The following CACNA2D3 variants were observed in gnomAD, a reference collection of about 807,000 sequenced individuals.
CACNA2D3 encodes voltage-dependent calcium channel subunit alpha-2/delta-3.
CACNA2D3 carries 60 observed loss-of-function variants against 160.6 expected under a neutral mutation model. The observed-to-expected ratio is 0.37, with a 90% CI of 0.30 to 0.46. The LOEUF (loss-of-function observed/expected upper bound fraction) is 0.46, where lower values mean the gene tolerates loss of function less well. CACNA2D3 is among the 20% of genes least tolerant of loss of function. The pLI is 1.00. For synonymous variants in CACNA2D3, 558 were observed against 492.9 expected, an observed-to-expected ratio of 1.13 and a Z score of -1.75; for missense variants, 1,205 against 1,365.0, an observed-to-expected ratio of 0.88 and a Z score of 1.85.
intron 4 of CACNA2D3, among the ~76,000 whole-genome samples, chr3:54,441,017 G>T (rs980642706): frequency 7.9e-5 from 12 of 151,994 alleles, no homozygotes; most frequent in African/African-American, 2.7e-4. Flanking sequence ...TGGGATGGCT[G>T]GGTCAAATGG....
At chr3:54,684,313 C>A (rs1700409638) in intron 11 of CACNA2D3, among the ~76,000 whole-genome samples, 1 of 152,124 alleles carries the variant, frequency 6.6e-6, no homozygotes, top group Non-Finnish European at 1.5e-5. Context: ...GACCACCTAA[C>A]CCAATACATC....
chr3:54,193,151 C>G (rs566584726), intron 2 of CACNA2D3, among the ~76,000 whole-genome samples: 1 of 152,274 alleles, frequency 6.6e-6, no homozygotes, highest in Admixed American at 6.5e-5. Flanking sequence ...ATGAAGCTCT[C>G]ATGGTGAAGT....
chr3:54,938,970 G>T (rs1198072398), intron 27 of CACNA2D3, among the ~76,000 whole-genome samples: 2 of 152,200 alleles, frequency 1.3e-5, no homozygotes, highest in African/African-American at 4.8e-5. Flanking sequence ...TCCAGAGGAA[G>T]TTGATCTGAA....
At chr3:54,314,424 T>C (rs1415149457) in intron 2 of CACNA2D3, among the ~76,000 whole-genome samples, 13 of 152,214 alleles carry the variant, frequency 8.5e-5, no homozygotes, top group Non-Finnish European at 1.5e-4. Context: ...AGATACCCAG[T>C]AGTGGGATTG....
intron 2 of CACNA2D3, among the ~76,000 whole-genome samples, chr3:54,204,796 G>GAAAA (rs57129457): frequency 2.8e-4 from 21 of 74,056 alleles, no homozygotes; most frequent in East Asian, 1.0e-3. Flanking sequence ...ATGCTGTCTT[G>GAAAA]AAAAAAAAAA....
chr3:54,397,523 T>C (rs1699378269), intron 4 of CACNA2D3, among the ~76,000 whole-genome samples: 1 of 141,832 alleles, frequency 7.1e-6, no homozygotes, highest in Admixed American at 7.1e-5. Flanking sequence ...GGTGTCTTTG[T>C]TCTCGTTGGT....
intron 2 of CACNA2D3, among the ~76,000 whole-genome samples, chr3:54,191,256 G>C (rs1354097743): frequency 6.6e-6 from 1 of 151,994 alleles, no homozygotes; most frequent in Non-Finnish European, 1.5e-5. Flanking sequence ...CAACAAGCAG[G>C]GACAGTGTTC....
At chr3:54,484,002 TTC>T (rs1224338494) in intron 4 of CACNA2D3, among the ~76,000 whole-genome samples, 1 of 152,188 alleles carries the variant, frequency 6.6e-6, no homozygotes, top group African/African-American at 2.4e-5. Context: ...CAAGCATAGA[TTC>T]TGTCACCTCC....
At chr3:55,041,067 A>G (rs566287742) in intron 35 of CACNA2D3, among the ~76,000 whole-genome samples, 1 of 152,256 alleles carries the variant, frequency 6.6e-6, no homozygotes, top group Middle Eastern at 3.4e-3. Flanking sequence ...ATATTATATT[A>G]TATGCCACTG....
At chr3:54,338,467 C>CTCTGTGTGTG (rs996617901) in intron 3 of CACNA2D3, among the ~76,000 whole-genome samples, 8 of 136,440 alleles carry the variant, frequency 5.9e-5, no homozygotes, top group African/African-American at 2.0e-4. Context: ...TCTCCCCTCC[C>CTCTGTGTGTG]TGTGTGTGTG....
chr3:54,761,389 G>A (rs572884259), intron 12 of CACNA2D3, among the ~76,000 whole-genome samples: 2 of 152,172 alleles, frequency 1.3e-5, no homozygotes, highest in Non-Finnish European at 2.9e-5. Context: ...ACCCCTTAAC[G>A]CAGAGCCCAA....
At chr3:54,531,828 T>C (rs564581191) in intron 5 of CACNA2D3, among the ~76,000 whole-genome samples, 2 of 152,344 alleles carry the variant, frequency 1.3e-5, no homozygotes, top group African/African-American at 4.8e-5. Flanking sequence ...CGGATTTTTG[T>C]CTATTCATTT....
intron 8 of CACNA2D3, among the ~76,000 whole-genome samples, chr3:54,575,578 CTT>C (rs1246232062): frequency 6.6e-6 from 1 of 152,160 alleles, no homozygotes; most frequent in East Asian, 1.9e-4. Context: ...CTCTCAGAGA[CTT>C]AGGTTTTCTG....
At chr3:55,057,075 C>A (rs1386151197) in intron 35 of CACNA2D3, among the ~76,000 whole-genome samples, 1 of 152,058 alleles carries the variant, frequency 6.6e-6, no homozygotes, top group African/African-American at 2.4e-5. Context: ...GGGAGGGACC[C>A]GGTGGGAGGT....
At chr3:54,315,528 C>T (rs1412858689) in intron 2 of CACNA2D3, among the ~76,000 whole-genome samples, 1 of 152,144 alleles carries the variant, frequency 6.6e-6, no homozygotes, top group Non-Finnish European at 1.5e-5. Flanking sequence ...TTTTTAGACC[C>T]TCAGTCACCT....
intron 11 of CACNA2D3, among the ~76,000 whole-genome samples, chr3:54,702,633 A>C (rs1045281171): frequency 1.3e-5 from 2 of 152,184 alleles, no homozygotes; most frequent in East Asian, 3.9e-4. Flanking sequence ...GTGCTTATAC[A>C]CTGCTGGTCT....
At chr3:54,155,997 G>A (rs1479463324) in intron 2 of CACNA2D3, among the ~76,000 whole-genome samples, 1 of 152,106 alleles carries the variant, frequency 6.6e-6, no homozygotes, top group African/African-American at 2.4e-5. Flanking sequence ...TTCTCTTTAG[G>A]AACAGGCTAA....
intron 4 of CACNA2D3, among the ~76,000 whole-genome samples, chr3:54,465,674 A>G (rs1700610344): frequency 6.6e-6 from 1 of 152,258 alleles, no homozygotes; most frequent in Non-Finnish European, 1.5e-5. Context: ...AGGTTGGTGC[A>G]AAAGTAATTG....
At chr3:54,290,036 A>G (rs1403805405) in intron 2 of CACNA2D3, among the ~76,000 whole-genome samples, 9 of 151,300 alleles carry the variant, frequency 5.9e-5, no homozygotes, top group Middle Eastern at 3.2e-3. Flanking sequence ...AGCAATGGCA[A>G]CAAAAGCCGA....
Sources: allele counts gnomAD v4.1 joint callset (sites outside exome capture counted in the v4.1 genomes callset), GRCh38; gene constraint gnomAD v4.1.1; transcripts MANE v1.5; gene names NCBI Gene and HGNC (gene_info 2026-07-23, HGNC 2026-07-21).